Variants in BSG observed in about 807,000 individuals in gnomAD.
BSG encodes basigin.
Under a neutral mutation model 43.1 loss-of-function variants are expected in BSG, and 37 were observed. The observed-to-expected ratio is 0.86, with a 90% CI of 0.66 to 1.13. BSG has a LOEUF of 1.13. Among genes scored for constraint, BSG ranks in the 50% most tolerant of loss-of-function variants. BSG has a pLI of 0.00. For synonymous variants in BSG, 309 were observed against 238.7 expected (o/e 1.29, Z -2.72); for missense variants, 599 against 554.2 (o/e 1.08, Z -0.81).
In BSG at chr19:577,902, A is replaced by T; in HGVS notation, c.196A>T (p.Thr66Ser). The T allele has an allele frequency of 6.3e-7, 1 of 1,597,568 alleles. No individual in the cohort carries two copies. Residue 66 changes from threonine (T) to serine (S), a missense_variant, in exon 2 of 9, where the codon ACC (threonine) becomes TCC (serine). Physicochemically the swap from Thr to Ser is moderately conservative, Grantham distance 58. Coordinates refer to ENST00000333511, the MANE Select transcript of BSG (RefSeq NM_001728.4). ...WWFEGQGPND[T>S]CSQLWDGARL... Reference sequence around the variant, plus strand: ...GTTTGAAGGGCAGGGTCCCAACGACACCTGCTCCCAGCTCTGGGACGGCGC... The same window carrying T: ...GTTTGAAGGGCAGGGTCCCAACGACTCCTGCTCCCAGCTCTGGGACGGCGC...
At chr19:576,432 G>A (rs1465072747) in intron 1 of BSG, among the ~76,000 whole-genome samples, 1 of 152,232 alleles carries the variant, frequency 6.6e-6, no homozygotes, top group East Asian at 1.9e-4. Context: ...TAACTCCCAA[G>A]AAATGTAGGT....
chr19:572,629 G>A lies in BSG; in HGVS notation c.-6G>A, dbSNP rs376295294. The A allele has an allele frequency of 1.9e-5, 29 of 1,502,032 alleles. No homozygotes were observed. In the African/African-American group the frequency reaches 3.3e-4, roughly 17 times the overall value. 93.0% of individuals were successfully genotyped at this position (1,502,032 alleles called of 1,614,324 possible). ...GAGGTTGTAGGACCGGCGAGGAATA[G>A]GAATCATGGCGGCTGCGCTGTTCGT... On this transcript the variant is annotated 5_prime_UTR_variant, in exon 1 of 9. Coordinates refer to ENST00000333511, the MANE Select transcript of BSG (RefSeq NM_001728.4).
intron 2 of BSG, among the ~76,000 whole-genome samples, chr19:578,417 G>A (rs116073835): frequency 0.012 from 1,886 of 152,350 alleles, 41 homozygotes; most frequent in African/African-American, 0.043. Context: ...TTCCCCGGGC[G>A]CCTGCCCGGC....
rs375762963 is a variant in BSG at position 581,338 on chromosome 19, C to G, written c.816C>G (p.Ser272Arg). Residue 272 changes from serine (S) to arginine (R), a missense_variant, in exon 6 of 9, where the codon AGC (serine) becomes AGG (arginine). By Grantham distance (110) the Ser-to-Arg change is moderately radical (BLOSUM62 -1). Coordinates refer to ENST00000333511, the MANE Select transcript of BSG (RefSeq NM_001728.4). ...EDKALMNGSE[S>R]RFFVSSSQGR... ...AGGCCCTCATGAACGGCTCCGAGAGCAGGTTCTTCGTGAGTTCCTCGCAGG... is the reference window on the plus strand; with the variant it reads ...AGGCCCTCATGAACGGCTCCGAGAGGAGGTTCTTCGTGAGTTCCTCGCAGG... 2.7e-5 allele frequency: 43 copies of G among 1,612,484 alleles called. No individual in the cohort carries two copies. The highest frequency in any genetic ancestry group is 5.3e-5 in the African/African-American group (4 of 74,946).
chr19:580,240 G>A lies in BSG; in HGVS notation c.573-139G>A, dbSNP rs974459382. 1.8e-5 allele frequency: 13 copies of A among 719,772 alleles called. No homozygotes were observed. The African/African-American group carries it at 2.3e-4, about 13-fold the overall frequency. 44.6% of individuals were successfully genotyped at this position (719,772 alleles called of 1,614,324 possible). A position where few individuals can be genotyped will look rare whatever the true frequency, so the allele number is the denominator to read the frequency against. On this transcript the variant is annotated intron_variant, in intron 3 of 8. Transcript: ENST00000333511. ...TCCTTGGGGCCGCACGGGGACCCCA[G>A]GAGTTCTTTTGAGGTTCAGACTTGA...
chr19:576,961 C>CA (rs566188546), intron 1 of BSG, among the ~76,000 whole-genome samples: 3 of 133,348 alleles, frequency 2.2e-5, no homozygotes, highest in South Asian at 4.8e-4. Context: ...GACGTGTGTC[C>CA]TTGTGTGTGT....
chr19:582,498 GC>G lies in BSG; in HGVS notation c.1095-12del, dbSNP rs775461719. 7 of 1,606,362 alleles carry G rather than the reference GC, an allele frequency of 4.4e-6. No individual in the cohort carries two copies. The South Asian group carries it at 7.8e-5, about 18-fold the overall frequency. ...CTTGCGGGGGACACCCTCTCACCCGGCCCCTCGTGCCCCAGGAAGAGCAGCG... is the reference window on the plus strand; with the variant it reads ...CTTGCGGGGGACACCCTCTCACCCGGCCCTCGTGCCCCAGGAAGAGCAGCG... On this transcript the variant is annotated splice_polypyrimidine_tract_variant and intron_variant, in intron 7 of 8. Transcript: ENST00000333511.
chr19:582,263 C>G (rs761617952), intron 6 of BSG, 43 bp from the exon 7 acceptor site: 3 of 1,604,450 alleles, frequency 1.9e-6, no homozygotes, highest in Non-Finnish European at 2.5e-6. Context: ...TGCTGACAGG[C>G]TGTCCTCTCG....
chr19:580,009 C>T, intron 3 of BSG: 2 of 415,892 alleles, frequency 4.8e-6, no homozygotes, highest in South Asian at 6.2e-5. Context: ...CCTGCTCGGA[C>T]CCCAGACGCT....
At chr19:573,683 T>A (rs1286162974) in intron 1 of BSG, among the ~76,000 whole-genome samples, 2 of 151,906 alleles carry the variant, frequency 1.3e-5, no homozygotes, top group Non-Finnish European at 2.9e-5. Context: ...AACAGCCCTG[T>A]GGGAAGTCGA....
rs1469359401 is a variant in BSG, at chr19:579,487, C to T, written c.416-13C>T. ...CCTCCACTCTGCTGACCGCGTCTCGCCGGGCCTTGCAGCCGGCACAGTCTT... is the reference window on the plus strand; with the variant it reads ...CCTCCACTCTGCTGACCGCGTCTCGTCGGGCCTTGCAGCCGGCACAGTCTT... On this transcript the variant is annotated splice_polypyrimidine_tract_variant and intron_variant, in intron 2 of 8. Transcript: ENST00000333511. 3 of 1,612,292 alleles carry T rather than the reference C, an allele frequency of 1.9e-6. No individual in the cohort carries two copies. Among genetic ancestry groups the T allele is most frequent in the African/African-American group, 2.7e-5 (2 of 75,064 alleles).
rs200976065 is a variant in BSG, at chr19:579,488, C to T, written c.416-12C>T. The T allele has an allele frequency of 3.0e-5, 49 of 1,612,144 alleles. No individual in the cohort carries two copies. Among genetic ancestry groups the T allele is most frequent in the African/African-American group, 1.6e-4 (12 of 74,940 alleles). On this transcript the variant is annotated splice_polypyrimidine_tract_variant and intron_variant, in intron 2 of 8. Coordinates refer to ENST00000333511, the MANE Select transcript of BSG (RefSeq NM_001728.4). ...CTCCACTCTGCTGACCGCGTCTCGC[C>T]GGGCCTTGCAGCCGGCACAGTCTTC...
At chr19:575,395 C>T (rs1763607526) in intron 1 of BSG, 1 of 152,094 alleles carries the variant, frequency 6.6e-6, no homozygotes. Context: ...GGGTGAGTGC[C>T]CAAGGTTGGC....
rs553131488 is a variant in BSG, at chr19:579,730, G to A, written c.572+74G>A. ...TCTTGCCGCCAGCGGCCTGTGGTCC[G>A]TGAGAACAAAAGACCGGTCGGCAGG... On this transcript the variant is annotated intron_variant, in intron 3 of 8. Coordinates refer to ENST00000333511, the MANE Select transcript of BSG (RefSeq NM_001728.4). 7.6e-4 allele frequency: 1,175 copies of A among 1,536,770 alleles called. 2 individuals are homozygous for A. The highest frequency in any genetic ancestry group is 9.5e-4 in the Non-Finnish European group (1,090 of 1,145,388).
rs1275567312 is a variant in BSG, at chr19:578,102, A to C, written c.396A>C (p.Ala132=). 1 of 1,586,108 alleles carries C rather than the reference A, an allele frequency of 6.3e-7. No individual in the cohort carries two copies. Among genetic ancestry groups the C allele is most frequent in the Non-Finnish European group, 8.6e-7 (1 of 1,163,320 alleles). Reference sequence around the variant, plus strand: ...GGGTCAAGTGGGTCCGCGCCCAGGCAGTCGTGCTAGTCCTGGAACGTGAGT... The same window carrying C: ...GGGTCAAGTGGGTCCGCGCCCAGGCCGTCGTGCTAGTCCTGGAACGTGAGT... The part of the protein sequence containing the change: ...APRVKWVRAQ[A]VVLVLEPGTV... Residue 132 remains alanine, a synonymous_variant, in exon 2 of 9, where the codon GCA becomes GCC. Coordinates refer to ENST00000333511, the MANE Select transcript of BSG (RefSeq NM_001728.4).
intron 7 of BSG, 89 bp from the exon 8 acceptor site, chr19:582,424 TC>T: frequency 1.4e-6 from 2 of 1,392,854 alleles, no homozygotes; most frequent in Non-Finnish European, 2.0e-6. Context: ...GCTTCAGTAT[TC>T]GGGGGTCCTG....
chr19:572,588 G>T, upstream of BSG: 3 of 1,441,096 alleles, frequency 2.1e-6, no homozygotes, highest in Non-Finnish European at 1.8e-6. Context: ...GCCGCGGGCG[G>T]CGGCGGCAGC....
At chr19:572,525 A>G (rs1011589580), upstream of BSG, 9 of 1,252,204 alleles carry the variant, frequency 7.2e-6, no homozygotes, top group Admixed American at 4.1e-5. Context: ...CGCCCCCGAG[A>G]TGACGCCGTG....
At chr19:572,094 T>TAG (rs1188681780), upstream of BSG, 4 of 151,862 alleles carry the variant, frequency 2.6e-5, no homozygotes, top group African/African-American at 9.7e-5. Flanking sequence ...TTCATATATA[T>TAG]ATATATATAT....
Sources: allele counts gnomAD v4.1 joint callset (sites outside exome capture counted in the v4.1 genomes callset), GRCh38; gene constraint gnomAD v4.1.1; transcripts MANE v1.5; gene names NCBI Gene and HGNC (gene_info 2026-07-23, HGNC 2026-07-21).